CSMD1: variants seen among roughly 807,000 people sequenced by gnomAD.
CSMD1 encodes the protein CUB and sushi domain-containing protein 1.
In CSMD1, 213 loss-of-function variants were observed where a neutral mutation model predicts 417.5. The observed-to-expected ratio is 0.51, with a 90% CI of 0.46 to 0.57. The LOEUF is 0.57. CSMD1 is among the 20% of genes least tolerant of loss of function. CSMD1 has a pLI of 0.00. For missense variants in CSMD1, 6,923 were observed against 4,529.7 expected (o/e 1.53, Z -15.17); for synonymous variants, 2,862 against 1,736.8 (o/e 1.65, Z -16.11).
At chr8:4,016,022 C>T (rs1234119738) in intron 4 of CSMD1, among the ~76,000 whole-genome samples, 1 of 152,102 alleles carries the variant, frequency 6.6e-6, no homozygotes, top group Non-Finnish European at 1.5e-5. Flanking sequence ...TGTCTTTCAG[C>T]CTTGGACATG....
At chr8:4,239,052 C>A (rs17069682) in intron 3 of CSMD1, among the ~76,000 whole-genome samples, 9,782 of 152,194 alleles carry the variant, frequency 0.064, 462 homozygotes, top group African/African-American at 0.12. Flanking sequence ...TCACACATCC[C>A]TGAACAAAAA....
At chr8:4,097,447 C>T (rs559463331) in intron 3 of CSMD1, among the ~76,000 whole-genome samples, 209 of 152,246 alleles carry the variant, frequency 1.4e-3, no homozygotes, top group African/African-American at 4.7e-3. Flanking sequence ...AAGCATCTTT[C>T]ATTAAAGGGG....
rs539135445 is a variant in CSMD1 at position 3,281,415 on chromosome 8, G to C, written c.4153+2729C>G. Among the ~76,000 whole-genome samples the C allele has an allele frequency of 1.4e-4, 21 of 152,250 alleles. No homozygotes were observed. The East Asian group carries it at 3.1e-3, about 22-fold the overall frequency. On this transcript the variant is annotated intron_variant, in intron 26 of 69. Coordinates refer to ENST00000635120, the MANE Select transcript of CSMD1 (RefSeq NM_033225.6). ...GCCAAGATCATGCCACTGCACTCCA[G>C]CCTGGGCGACAAAGCAAGACTCCAT... is the stretch of plus-strand genomic sequence containing the variant.
chr8:3,631,906 C>T (rs576616563), intron 7 of CSMD1, among the ~76,000 whole-genome samples: 4 of 152,114 alleles, frequency 2.6e-5, no homozygotes, highest in South Asian at 2.1e-4. Flanking sequence ...AGTAGACTGA[C>T]GAAGCAAAAC....
At chr8:3,981,067 C>T (rs553164095) in intron 5 of CSMD1, among the ~76,000 whole-genome samples, 1 of 152,154 alleles carries the variant, frequency 6.6e-6, no homozygotes, top group African/African-American at 2.4e-5. Context: ...AACGCCCGTA[C>T]TTGTAGTTCC....
rs150849502 is a variant in CSMD1, at chr8:3,115,775, G to C, written c.6430+2624C>G. ...TATACTTGTGAAGACTGATGCCTTG[G>C]GATTTAGAATTATTTTATTAATTAT... On this transcript the variant is annotated intron_variant, in intron 42 of 69. Coordinates refer to ENST00000635120, the MANE Select transcript of CSMD1 (RefSeq NM_033225.6). 3.9e-3 allele frequency among the ~76,000 whole-genome samples: 595 copies of C among 151,970 alleles called. 3 individuals are homozygous for C. Among genetic ancestry groups the C allele is most frequent in the African/African-American group, 0.014 (579 of 41,422 alleles).
At chr8:3,827,879 C>A (rs1026353488) in intron 5 of CSMD1, among the ~76,000 whole-genome samples, 5 of 152,202 alleles carry the variant, frequency 3.3e-5, no homozygotes, top group African/African-American at 1.2e-4. Flanking sequence ...GATGAAGTTT[C>A]ATCCCCATGG....
intron 5 of CSMD1, among the ~76,000 whole-genome samples, chr8:3,904,012 C>T (rs953711806): frequency 6.6e-6 from 1 of 151,456 alleles, no homozygotes. Flanking sequence ...GTCCTATCTG[C>T]CTATCTAGGT....
At chr8:3,121,450 G>A (rs1817200620) in intron 41 of CSMD1, among the ~76,000 whole-genome samples, 1 of 152,164 alleles carries the variant, frequency 6.6e-6, no homozygotes, top group Non-Finnish European at 1.5e-5. Flanking sequence ...GCTCCCCCAG[G>A]GACGAGAAGT....
chr8:4,375,710 C>G (rs1314594610), intron 3 of CSMD1, among the ~76,000 whole-genome samples: 1 of 152,162 alleles, frequency 6.6e-6, no homozygotes, highest in Non-Finnish European at 1.5e-5. Flanking sequence ...GTCTGCATGA[C>G]TGTTTTCTTC....
At chr8:3,046,224 T>C (rs1489243087) in intron 50 of CSMD1, among the ~76,000 whole-genome samples, 1 of 151,574 alleles carries the variant, frequency 6.6e-6, no homozygotes, top group Non-Finnish European at 1.5e-5. Context: ...GCAGCGGGGG[T>C]TTCAGGCGCT....
intron 7 of CSMD1, among the ~76,000 whole-genome samples, chr8:3,683,841 A>G (rs73183358): frequency 0.14 from 21,722 of 152,080 alleles, 1,746 homozygotes; most frequent in South Asian, 0.21. Flanking sequence ...TCTAAGATGT[A>G]AAGAATATTC....
intron 1 of CSMD1, among the ~76,000 whole-genome samples, chr8:4,923,744 C>T (rs558932411): frequency 1.3e-5 from 2 of 152,018 alleles, no homozygotes; most frequent in East Asian, 1.9e-4. Context: ...TACCAAGGAA[C>T]CTTGGAAAGG....
intron 14 of CSMD1, among the ~76,000 whole-genome samples, chr8:3,407,418 A>AGGAT (rs56261904): frequency 0.14 from 20,982 of 150,798 alleles, 1,477 homozygotes; most frequent in East Asian, 0.2. Flanking sequence ...AATGGATGGA[A>AGGAT]GGATGGATGG....
At chr8:4,797,630 A>T (rs1190587510) in intron 1 of CSMD1, among the ~76,000 whole-genome samples, 2 of 152,222 alleles carry the variant, frequency 1.3e-5, no homozygotes, top group Non-Finnish European at 2.9e-5. Flanking sequence ...GAAACAGTAT[A>T]AAGCGAAGAT....
At chr8:4,868,891 T>G (rs1336332829) in intron 1 of CSMD1, among the ~76,000 whole-genome samples, 1 of 151,996 alleles carries the variant, frequency 6.6e-6, no homozygotes, top group African/African-American at 2.4e-5. Context: ...TGAAGTAATA[T>G]TTGCACGTTT....
intron 1 of CSMD1, among the ~76,000 whole-genome samples, chr8:4,678,637 C>T (rs371487528): frequency 2.3e-4 from 35 of 152,180 alleles, no homozygotes; most frequent in Non-Finnish European, 2.8e-4. Context: ...AAAACATGTG[C>T]TACCTATTTA....
chr8:3,479,330 G>C (rs1308843943), intron 11 of CSMD1, among the ~76,000 whole-genome samples: 5 of 152,072 alleles, frequency 3.3e-5, no homozygotes, highest in African/African-American at 9.7e-5. Flanking sequence ...ACCCAGGCTG[G>C]AGTGCAGTGG....
chr8:3,683,638 C>G (rs1450513715), intron 7 of CSMD1, among the ~76,000 whole-genome samples: 1 of 152,164 alleles, frequency 6.6e-6, no homozygotes, highest in African/African-American at 2.4e-5. Flanking sequence ...TGTGCATACT[C>G]TTTTAATTTA....
Sources: gnomAD v4.1 joint callset for allele counts (sites outside exome capture counted in the v4.1 genomes callset) on GRCh38, gnomAD v4.1.1 for gene constraint, MANE v1.5 for transcripts, NCBI Gene and HGNC (gene_info 2026-07-23, HGNC 2026-07-21) for gene names.